Variants in CACNG6 observed in about 807,000 individuals in gnomAD.
CACNG6 encodes the protein calcium voltage-gated channel auxiliary subunit gamma 6.
CACNG6 carries 21 observed loss-of-function variants against 23.9 expected under a neutral mutation model. The observed-to-expected ratio is 0.88, with a 90% CI of 0.62 to 1.26. The LOEUF is 1.26. Ranked by LOEUF, CACNG6 falls within the 50% of genes most tolerant of loss-of-function variation. The pLI is 0.00. For synonymous variants in CACNG6, 182 were observed against 168.9 expected (o/e 1.08, Z -0.60); for missense variants, 340 against 352.9 (o/e 0.96, Z 0.29).
chr19:53,996,903 C>G, intron 1 of CACNG6, among the ~76,000 whole-genome samples: 1 of 122,256 alleles, frequency 8.2e-6, no homozygotes, highest in Non-Finnish European at 1.6e-5. Context: ...GGATCTCACT[C>G]TATCACCCAG....
intron 1 of CACNG6, among the ~76,000 whole-genome samples, chr19:53,995,108 T>C (rs1401853383): frequency 6.6e-6 from 1 of 152,010 alleles, no homozygotes. Flanking sequence ...GCTAGTTAGA[T>C]GGAATTTGAA....
At position 54,011,190 on chromosome 19, in the gene CACNG6, T is replaced by TAAAAAAAAAAAAAAA. The variant is rs142489178; in HGVS notation, c.545-759_545-745dup. The stretch of plus-strand genomic sequence containing the variant: ...CAACATGGTGAAACCCCGTCTCTAC[T>TAAAAAAAAAAAAAAA]AAAAAAAAAAAAAAAATATATATAT... On this transcript the variant is annotated intron_variant, in intron 3 of 3. Transcript: ENST00000252729. Among the ~76,000 whole-genome samples, 22 of 59,200 alleles carry TAAAAAAAAAAAAAAA rather than the reference T, an allele frequency of 3.7e-4. 2 individuals are homozygous for TAAAAAAAAAAAAAAA. The highest frequency in any genetic ancestry group is 8.6e-4 in the African/African-American group (9 of 10,458). The allele number at this position is 59,200 out of a possible 152,430, so 38.8% of individuals were successfully genotyped here.
chr19:54,010,418 G>A (rs2069693800), intron 3 of CACNG6, among the ~76,000 whole-genome samples: 1 of 152,020 alleles, frequency 6.6e-6, no homozygotes, highest in Non-Finnish European at 1.5e-5. Context: ...CCAAAGTGCT[G>A]GGATTGTAGG....
At chr19:54,003,592 C>G (rs1254850257) in intron 3 of CACNG6, among the ~76,000 whole-genome samples, 2 of 152,056 alleles carry the variant, frequency 1.3e-5, no homozygotes, top group African/African-American at 4.8e-5. Flanking sequence ...AACTCCTGAC[C>G]TCAGGTGATC....
intron 3 of CACNG6, 29 bp from the exon 4 acceptor site, chr19:54,011,922 C>T: frequency 7.0e-7 from 1 of 1,427,936 alleles, no homozygotes; most frequent in Non-Finnish European, 9.2e-7. Flanking sequence ...TCGCGGGCGT[C>T]TGACTGCGAG....
chr19:53,997,317 T>G (rs1186225397), intron 1 of CACNG6, among the ~76,000 whole-genome samples: 2 of 152,216 alleles, frequency 1.3e-5, no homozygotes, highest in Admixed American at 6.5e-5. Context: ...AAGGACTGTC[T>G]GTGTCATTTA....
At chr19:54,011,927 T>TGC in intron 3 of CACNG6, 24 bp from the exon 4 acceptor site, 1 of 1,443,088 alleles carries the variant, frequency 6.9e-7, no homozygotes, top group Non-Finnish European at 9.2e-7. Flanking sequence ...GGCGTCTGAC[T>TGC]GCGAGCTGTC....
intron 3 of CACNG6, among the ~76,000 whole-genome samples, chr19:54,008,496 T>C (rs2069670480): frequency 1.3e-5 from 2 of 152,178 alleles, no homozygotes; most frequent in African/African-American, 4.8e-5. Context: ...CCATGACTCA[T>C]GCGTGACTCT....
intron 3 of CACNG6, among the ~76,000 whole-genome samples, chr19:54,005,074 T>C (rs1316108660): frequency 6.6e-6 from 1 of 151,264 alleles, no homozygotes; most frequent in Non-Finnish European, 1.5e-5. Flanking sequence ...CCGGGCGTGG[T>C]GGCGGGCGCC....
chr19:53,996,437 T>C (rs2069521879), intron 1 of CACNG6, among the ~76,000 whole-genome samples: 1 of 150,166 alleles, frequency 6.7e-6, no homozygotes, highest in Middle Eastern at 3.2e-3. Context: ...CTGTCACCCA[T>C]GCTGGATTGC....
chr19:54,008,428 G>A (rs1271448472), intron 3 of CACNG6, among the ~76,000 whole-genome samples: 1 of 152,150 alleles, frequency 6.6e-6, no homozygotes, highest in Non-Finnish European at 1.5e-5. Context: ...GGAGGAAGCA[G>A]GGTCAGGAAC....
chr19:54,012,360 T>C lies in CACNG6; in HGVS notation c.*171T>C. The C allele has an allele frequency of 2.3e-6, 1 of 435,154 alleles. No individual in the cohort carries two copies. The highest frequency in any genetic ancestry group is 4.1e-6 in the Non-Finnish European group (1 of 245,490). 27.0% of individuals were successfully genotyped at this position (435,154 alleles called of 1,614,324 possible). On this transcript the variant is annotated 3_prime_UTR_variant, in exon 4 of 4. Coordinates refer to ENST00000252729, the MANE Select transcript of CACNG6 (RefSeq NM_145814.2). ...CCCTTATCCTTTCTCCCTCTGTAAATACGTTTTTCTCTGTGGCTGTATGTG... is the reference window on the plus strand; with the variant it reads ...CCCTTATCCTTTCTCCCTCTGTAAACACGTTTTTCTCTGTGGCTGTATGTG...
chr19:54,006,517 C>CTT (rs1236056716), intron 3 of CACNG6, among the ~76,000 whole-genome samples: 102 of 107,302 alleles, frequency 9.5e-4, no homozygotes, highest in African/African-American at 1.9e-3. Flanking sequence ...TTCCTTCTTT[C>CTT]TTTTCTTTTT....
At position 53,992,170 on chromosome 19, in the gene CACNG6, T is replaced by G. The variant is rs935860751; in HGVS notation, c.-708T>G. 6.6e-6 allele frequency: 1 copy of G among 152,252 alleles called. No homozygotes were observed. Among genetic ancestry groups the G allele is most frequent in the Admixed American group, 6.5e-5 (1 of 15,278 alleles). 9.4% of individuals were successfully genotyped at this position (152,252 alleles called of 1,614,324 possible). On this transcript the variant is annotated 5_prime_UTR_variant, in exon 1 of 4. Transcript: ENST00000252729. The surrounding 1 kb of genome is among the most constrained non-coding windows in gnomAD (Gnocchi z 4.1). ...TGAGCCCCAGCCAGGGCTCTGTTCT[T>G]CTCCTTCTGTGGATGCCGGGGTCCT...
chr19:53,992,723 G>C lies in CACNG6; in HGVS notation c.-155G>C. 1 of 435,172 alleles carries C rather than the reference G, an allele frequency of 2.3e-6. No homozygotes were observed. Among genetic ancestry groups the C allele is most frequent in the Non-Finnish European group, 3.9e-6 (1 of 254,222 alleles). The allele number at this position is 435,172 out of a possible 1,614,324, so 27.0% of individuals were successfully genotyped here. On this transcript the variant is annotated 5_prime_UTR_variant, in exon 1 of 4. Transcript: ENST00000252729. This position sits in a 1 kb window ranked among gnomAD's most constrained non-coding sequence, Gnocchi z 4.1. ...AGAAGCAATCTCGACTTTCGCATTT[G>C]AGATTCCAGACAGGACTCGGCTCTC... is the stretch of plus-strand genomic sequence containing the variant.
At chr19:54,001,005 T>G (rs2069569547) in intron 3 of CACNG6, among the ~76,000 whole-genome samples, 1 of 151,970 alleles carries the variant, frequency 6.6e-6, no homozygotes, top group Non-Finnish European at 1.5e-5. Context: ...TCTTTCTTTT[T>G]TGAGATGGAG....
At chr19:54,011,519 C>T (rs138386700) in intron 3 of CACNG6, among the ~76,000 whole-genome samples, 237 of 151,158 alleles carry the variant, frequency 1.6e-3, no homozygotes, top group African/African-American at 5.5e-3. Flanking sequence ...AACACCAGAA[C>T]GCGTTTCTCC....
At chr19:54,004,475 C>A (rs1167338872) in intron 3 of CACNG6, among the ~76,000 whole-genome samples, 6 of 151,928 alleles carry the variant, frequency 3.9e-5, no homozygotes, top group Non-Finnish European at 7.4e-5. Context: ...GCCTCAGCCT[C>A]CCAAAGTGTT....
chr19:54,006,513 CTTTCTTTTCTT>C (rs1182286037), intron 3 of CACNG6, among the ~76,000 whole-genome samples: 5 of 117,722 alleles, frequency 4.2e-5, no homozygotes, highest in African/African-American at 1.3e-4. Flanking sequence ...CCAGTTCCTT[CTTTCTTTTCTT>C]TTTTTTTTTT....
Sources: gnomAD v4.1 joint callset for allele counts (sites outside exome capture counted in the v4.1 genomes callset) on GRCh38, gnomAD v4.1.1 for gene constraint, Gnocchi (gnomAD v3.1) non-coding constraint, MANE v1.5 for transcripts, NCBI Gene and HGNC (gene_info 2026-07-23, HGNC 2026-07-21) for gene names.